ACOT7: variants seen among roughly 807,000 people sequenced by gnomAD.
ACOT7 encodes acyl-CoA thioesterase 7, also known as cytosolic acyl coenzyme A thioester hydrolase.
ACOT7 carries 12 observed loss-of-function variants against 40.2 expected under a neutral mutation model. The observed-to-expected ratio is 0.30, with a 90% CI of 0.19 to 0.48. The LOEUF (loss-of-function observed/expected upper bound fraction) is 0.48. ACOT7 is among the 20% of genes least tolerant of loss of function. The pLI is 0.99. For missense variants in ACOT7, 395 were observed against 530.8 expected, an observed-to-expected ratio of 0.74 and a Z score of 2.51; for synonymous variants, 228 against 219.5, an observed-to-expected ratio of 1.04 and a Z score of -0.34.
chr1:6,268,727 A>G (rs1229610774), intron 8 of ACOT7, among the ~76,000 whole-genome samples: 1 of 152,248 alleles, frequency 6.6e-6, no homozygotes, highest in Non-Finnish European at 1.5e-5. Context: ...GAAAACCTCC[A>G]GGGCTTCATA....
At chr1:6,328,224 T>G (rs1640858560) in intron 4 of ACOT7, among the ~76,000 whole-genome samples, 1 of 152,178 alleles carries the variant, frequency 6.6e-6, no homozygotes, top group South Asian at 2.1e-4. Context: ...AGGAACCCTG[T>G]GTGTCCCTGC....
rs1639175760 is a variant in ACOT7, at chr1:6,275,936, G to T, written c.1014+5166C>A. Among the ~76,000 whole-genome samples the T allele has an allele frequency of 6.6e-6, 1 of 152,176 alleles. No homozygotes were observed. The highest frequency in any genetic ancestry group is 1.5e-5 in the Non-Finnish European group (1 of 68,026). On this transcript the variant is annotated intron_variant, in intron 8 of 8. Transcript: ENST00000361521. This position sits in a 1 kb window ranked among gnomAD's most constrained non-coding sequence, Gnocchi z 5.6. Reference sequence around the variant, plus strand: ...CAAAGACCCTGCCCTGCATAATGTGGTTGCACAGTTGGAGCCTCGGCTAAT... The same window carrying T: ...CAAAGACCCTGCCCTGCATAATGTGTTTGCACAGTTGGAGCCTCGGCTAAT...
chr1:6,358,837 GA>G lies in ACOT7; in HGVS notation c.144-8972del. 1 of 1,614,040 alleles carries G rather than the reference GA, an allele frequency of 6.2e-7. No homozygotes were observed. The highest frequency in any genetic ancestry group is 8.5e-7 in the Non-Finnish European group (1 of 1,179,924). On this transcript the variant is annotated intron_variant, in intron 1 of 8. Coordinates refer to ENST00000361521, the MANE Select transcript of ACOT7 (RefSeq NM_007274.4). This position sits in a 1 kb window ranked among gnomAD's most constrained non-coding sequence, Gnocchi z 4.1. ...ATGACTGGCAGTACCTGCTCAGCTGGAAAGCCATGGTGGCTAGGACATCCCA... is the reference window on the plus strand; with the variant it reads ...ATGACTGGCAGTACCTGCTCAGCTGGAAGCCATGGTGGCTAGGACATCCCA...
chr1:6,381,991 A>G (rs952670308), intron 1 of ACOT7, among the ~76,000 whole-genome samples: 1 of 151,484 alleles, frequency 6.6e-6, no homozygotes, highest in South Asian at 2.1e-4. Flanking sequence ...AAAAAAAATT[A>G]GCTGGGCGTG....
rs1641173453 is a variant in ACOT7, at chr1:6,338,556, T to C, written c.418+877A>G. Among the ~76,000 whole-genome samples the C allele has an allele frequency of 6.6e-6, 1 of 152,222 alleles. No individual in the cohort carries two copies. Among genetic ancestry groups the C allele is most frequent in the Non-Finnish European group, 1.5e-5 (1 of 68,034 alleles). On this transcript the variant is annotated intron_variant, in intron 3 of 8. Transcript: ENST00000361521. The surrounding 1 kb of genome is among the most constrained non-coding windows in gnomAD (Gnocchi z 4.4). ...TGCCGGAGCTGGGCTGACACAGCCA[T>C]TCTAATCAACCCTGCTGAGGTCCTC...
intron 4 of ACOT7, among the ~76,000 whole-genome samples, chr1:6,328,863 C>G (rs547344972): frequency 6.7e-6 from 1 of 149,268 alleles, no homozygotes; most frequent in Non-Finnish European, 1.5e-5. Context: ...GAGGGGCCCT[C>G]GGGGCCTGTG....
intron 5 of ACOT7, among the ~76,000 whole-genome samples, chr1:6,323,613 G>A (rs1385166841): frequency 6.6e-6 from 1 of 151,110 alleles, no homozygotes; most frequent in African/African-American, 2.4e-5. Context: ...AGCTACTCAG[G>A]AGGCTGAGGC....
At chr1:6,337,575 C>G (rs539817851) in intron 3 of ACOT7, among the ~76,000 whole-genome samples, 2 of 152,172 alleles carry the variant, frequency 1.3e-5, no homozygotes, top group African/African-American at 4.8e-5. Context: ...AAGCTCAGTA[C>G]CCCTGACCTT....
At position 6,368,746 on chromosome 1, in the gene ACOT7, G is replaced by A. The variant is rs185043459; in HGVS notation, c.144-18880C>T. Among the ~76,000 whole-genome samples, 347 of 152,330 alleles carry A rather than the reference G, an allele frequency of 2.3e-3. 2 individuals carry two copies. The highest frequency in any genetic ancestry group is 4.2e-3 in the Non-Finnish European group (287 of 68,026). ...GCCTGGGAGCAGGTCCTGCCTGGCT[G>A]TGCAAGGATGGGGGCGGTGCAGTCA... is the stretch of plus-strand genomic sequence containing the variant. On this transcript the variant is annotated intron_variant, in intron 1 of 8. Transcript: ENST00000361521.
At chr1:6,284,576 CAAAAAAAAAAAAAAA>C (rs561943319) in intron 7 of ACOT7, among the ~76,000 whole-genome samples, 1 of 57,980 alleles carries the variant, frequency 1.7e-5, no homozygotes, top group Non-Finnish European at 3.4e-5. Context: ...AACTCCATCT[CAAAAAAAAAAAAAAA>C]AAAAAAAAGA....
chr1:6,305,207 C>G (rs925725117), intron 6 of ACOT7, among the ~76,000 whole-genome samples: 20 of 149,726 alleles, frequency 1.3e-4, no homozygotes, highest in Non-Finnish European at 2.2e-4. Context: ...GGGCTGTCCC[C>G]CCCACATCCT....
intron 4 of ACOT7, among the ~76,000 whole-genome samples, chr1:6,327,807 G>A (rs571258921): frequency 9.2e-5 from 14 of 152,086 alleles, no homozygotes; most frequent in African/African-American, 2.2e-4. Context: ...ATGGAGTCTC[G>A]CTCTGTCCCA....
In ACOT7 at chr1:6,333,557, GCTTTTTGGCAC is replaced by G; in HGVS notation, c.419_429del (p.Gly140AlafsTer4). ...TACCACAGGGTGGCCTTATTGGTCA[GCTTTTTGGCAC>G]CTTAAGAGAAGAAAATCACATTAAG... On this transcript the variant is annotated frameshift_variant and splice_region_variant, in exon 4 of 9. Transcript: ENST00000361521. LOFTEE classifies it high-confidence loss of function. The G allele has an allele frequency of 6.2e-7, 1 of 1,614,208 alleles. No homozygotes were observed. Among genetic ancestry groups the G allele is most frequent in the Non-Finnish European group, 8.5e-7 (1 of 1,180,018 alleles).
chr1:6,351,456 T>C (rs1571333930), intron 1 of ACOT7, among the ~76,000 whole-genome samples: 1 of 152,270 alleles, frequency 6.6e-6, no homozygotes, highest in Non-Finnish European at 1.5e-5. Context: ...TTGTCTGAGT[T>C]ATGAGGTAGC....
At chr1:6,350,022 C>T (rs1335644631) in intron 1 of ACOT7, among the ~76,000 whole-genome samples, 156 bp from the exon 2 acceptor site, 2 of 152,150 alleles carry the variant, frequency 1.3e-5, no homozygotes, top group Admixed American at 6.5e-5. Context: ...GTGGTGTGTT[C>T]GTCAGGGTGG....
Position 6,355,727 on chromosome 1 carries a change from A to G in ACOT7, c.144-5861T>C, listed in dbSNP as rs756900279. Among the ~76,000 whole-genome samples, 2 of 152,238 alleles carry G rather than the reference A, an allele frequency of 1.3e-5. 1 individual carries two copies. The highest frequency in any genetic ancestry group is 2.9e-5 in the Non-Finnish European group (2 of 68,038). ...CGCTTCAAGGCACAGCTCAAAACTCAGATCTCATCACACCAGAGGCCGGCC... is the reference window on the plus strand; with the variant it reads ...CGCTTCAAGGCACAGCTCAAAACTCGGATCTCATCACACCAGAGGCCGGCC... On this transcript the variant is annotated intron_variant, in intron 1 of 8. Transcript: ENST00000361521. The surrounding 1 kb of genome is among the most constrained non-coding windows in gnomAD (Gnocchi z 5.0).
At chr1:6,302,155 A>ACCGC (rs1639991827) in intron 6 of ACOT7, among the ~76,000 whole-genome samples, 2 of 152,242 alleles carry the variant, frequency 1.3e-5, no homozygotes, top group East Asian at 3.9e-4. Context: ...ACGGTGTAGC[A>ACCGC]TCCTGACTCT....
At chr1:6,362,739 G>A (rs1460099817) in intron 1 of ACOT7, among the ~76,000 whole-genome samples, 1 of 152,076 alleles carries the variant, frequency 6.6e-6, no homozygotes, top group African/African-American at 2.4e-5. Flanking sequence ...ATCTCTCAGA[G>A]CTCAATGTGA....
chr1:6,273,751 C>T (rs142443708), intron 8 of ACOT7, among the ~76,000 whole-genome samples: 48 of 152,394 alleles, frequency 3.1e-4, no homozygotes, highest in Admixed American at 1.3e-3. Context: ...ACGGGCGCAG[C>T]GGTGCCCATC....
Sources: gnomAD v4.1 joint callset for allele counts (sites outside exome capture counted in the v4.1 genomes callset) on GRCh38, gnomAD v4.1.1 for gene constraint, Gnocchi (gnomAD v3.1) non-coding constraint, MANE v1.5 for transcripts, NCBI Gene and HGNC (gene_info 2026-07-23, HGNC 2026-07-21) for gene names.